WDPCP: variants seen among roughly 807,000 people sequenced by gnomAD.
WDPCP encodes WD repeat containing planar cell polarity effector.
Under a neutral mutation model 93.1 loss-of-function variants are expected in WDPCP, and 71 were observed. The observed-to-expected ratio is 0.76, with a 90% CI of 0.63 to 0.93. The LOEUF (loss-of-function observed/expected upper bound fraction) is 0.93. WDPCP is among the 40% of genes least tolerant of loss of function. The pLI, the probability that WDPCP is intolerant of heterozygous loss-of-function variation, is 0.00. For synonymous variants in WDPCP, 315 were observed against 315.0 expected (o/e 1.00, Z 0.00); for missense variants, 844 against 887.4 (o/e 0.95, Z 0.62).
chr2:63,276,720 T>G (rs1683115522), intron 13 of WDPCP, among the ~76,000 whole-genome samples: 1 of 152,088 alleles, frequency 6.6e-6, no homozygotes, highest in Non-Finnish European at 1.5e-5. Context: ...CTATAAGAAG[T>G]TTGGGATTTG....
chr2:63,636,785 C>G (rs1709924958), intron 3 of WDPCP, among the ~76,000 whole-genome samples: 1 of 152,114 alleles, frequency 6.6e-6, no homozygotes, highest in Non-Finnish European at 1.5e-5. Flanking sequence ...TACAGTCGAC[C>G]AGTCTTTGAC....
intron 2 of WDPCP, among the ~76,000 whole-genome samples, chr2:63,801,593 T>A (rs1476451590): frequency 2.0e-5 from 3 of 152,160 alleles, no homozygotes; most frequent in Admixed American, 2.0e-4. Flanking sequence ...CTTTTTTCAC[T>A]CCTCCCTGCG....
chr2:63,701,906 A>G (rs1269654865), intron 2 of WDPCP, among the ~76,000 whole-genome samples: 6 of 152,236 alleles, frequency 3.9e-5, no homozygotes, highest in African/African-American at 1.4e-4. Flanking sequence ...ATACAGTTCG[A>G]TAGAAGAAAT....
chr2:63,609,839 T>C (rs2106633606), intron 3 of WDPCP, among the ~76,000 whole-genome samples: 2 of 152,322 alleles, frequency 1.3e-5, no homozygotes, highest in Middle Eastern at 6.8e-3. Context: ...GCCACTGCAC[T>C]TTAGTCTGGG....
At chr2:63,419,047 CA>C (rs1348691366) in intron 9 of WDPCP, among the ~76,000 whole-genome samples, 1 of 152,148 alleles carries the variant, frequency 6.6e-6, no homozygotes, top group Non-Finnish European at 1.5e-5. Context: ...TTCAAACTAA[CA>C]AAGAGTAGAA....
intron 7 of WDPCP, 199 bp from the exon 8 acceptor site, chr2:63,437,753 T>A: frequency 8.1e-7 from 1 of 1,229,162 alleles, no homozygotes; most frequent in Non-Finnish European, 1.1e-6. Context: ...CATATGTGAT[T>A]TTTTTTCCTG....
chr2:63,278,242 C>A (rs914371841), intron 13 of WDPCP, among the ~76,000 whole-genome samples: 2 of 152,092 alleles, frequency 1.3e-5, no homozygotes, highest in Admixed American at 6.6e-5. Flanking sequence ...CCATCAAAAT[C>A]TCTGGGATAC....
chr2:63,678,555 T>C (rs1329350469), intron 2 of WDPCP, among the ~76,000 whole-genome samples: 1 of 152,200 alleles, frequency 6.6e-6, no homozygotes, highest in Non-Finnish European at 1.5e-5. Context: ...TCACTAAACA[T>C]TGACTCTACC....
chr2:63,324,031 A>T (rs1014952520), intron 12 of WDPCP, among the ~76,000 whole-genome samples: 1 of 151,860 alleles, frequency 6.6e-6, no homozygotes. Context: ...GACCAATTTG[A>T]CCCACAAACC....
intron 1 of WDPCP, among the ~76,000 whole-genome samples, chr2:63,513,670 G>T (rs1702377862): frequency 1.3e-5 from 2 of 152,036 alleles, no homozygotes; most frequent in Non-Finnish European, 2.9e-5. Flanking sequence ...ATTCCACAGG[G>T]GTCCTGCCCC....
chr2:63,347,684 G>T (rs114601923), intron 12 of WDPCP, among the ~76,000 whole-genome samples: 2,249 of 152,030 alleles, frequency 0.015, 59 homozygotes, highest in African/African-American at 0.052. Context: ...GTTTTTGTGG[G>T]GGGGTCATTG....
chr2:63,372,940 A>G (rs1221709675), intron 12 of WDPCP, among the ~76,000 whole-genome samples: 2 of 152,100 alleles, frequency 1.3e-5, no homozygotes, highest in Admixed American at 6.6e-5. Context: ...CCTGACCAAC[A>G]TGGAGAAACC....
At chr2:63,228,871 T>C (rs914693086) in intron 14 of WDPCP, 3 of 152,220 alleles carry the variant, frequency 2.0e-5, no homozygotes, top group African/African-American at 7.2e-5. Flanking sequence ...TTAGCTATTG[T>C]GAATAGTGCT....
In WDPCP at chr2:63,612,855, G is replaced by A. The variant is rs113243644; in HGVS notation, n.488+37804C>T. Among the ~76,000 whole-genome samples, 1,429 of 151,876 alleles carry A rather than the reference G, an allele frequency of 9.4e-3. 19 individuals carry two copies. The highest frequency in any genetic ancestry group is 0.032 in the African/African-American group (1,315 of 41,450). On this transcript the variant is annotated intron_variant and non_coding_transcript_variant, in intron 3 of 4. Coordinates refer to the WDPCP transcript ENST00000467687. ...TTCCAGGGCCCGAGATGGAGGCTAGGACCTAGGCAGGTAGGGGAAAAATGT... is the reference window on the plus strand; with the variant it reads ...TTCCAGGGCCCGAGATGGAGGCTAGAACCTAGGCAGGTAGGGGAAAAATGT...
chr2:63,387,782 G>A (rs958018095), intron 10 of WDPCP, among the ~76,000 whole-genome samples: 1 of 151,988 alleles, frequency 6.6e-6, no homozygotes, highest in Non-Finnish European at 1.5e-5. Flanking sequence ...AAAGTTTCAC[G>A]ATACAAAACT....
intron 2 of WDPCP, among the ~76,000 whole-genome samples, chr2:63,813,287 G>A (rs533930111): frequency 6.6e-6 from 1 of 152,334 alleles, no homozygotes; most frequent in Non-Finnish European, 1.5e-5. Flanking sequence ...AAATAAAGGA[G>A]AAGCACAGGT....
chr2:63,299,284 A>G (rs1052888420), intron 13 of WDPCP, among the ~76,000 whole-genome samples: 2 of 152,206 alleles, frequency 1.3e-5, no homozygotes, highest in Admixed American at 6.5e-5. Context: ...ATTGGCTACT[A>G]TGCCCTTCAC....
At chr2:63,664,247 TA>T (rs1710259976) in intron 2 of WDPCP, among the ~76,000 whole-genome samples, 1 of 152,174 alleles carries the variant, frequency 6.6e-6, no homozygotes, top group Admixed American at 6.5e-5. Flanking sequence ...CTGGTTAGTT[TA>T]AGTAGGAAAA....
chr2:63,589,133 A>G, upstream of WDPCP: 6 of 1,613,576 alleles, frequency 3.7e-6, no homozygotes, highest in Non-Finnish European at 5.1e-6. Context: ...TTTGGGAGGC[A>G]GCTGTGCAAG....
Sources: gnomAD v4.1 joint callset for allele counts (sites outside exome capture counted in the v4.1 genomes callset) on GRCh38, gnomAD v4.1.1 for gene constraint, MANE v1.5 for transcripts, NCBI Gene and HGNC (gene_info 2026-07-23, HGNC 2026-07-21) for gene names.